The following FOXP2 variants were observed in gnomAD, a reference collection of about 807,000 sequenced individuals.
The protein encoded by FOXP2 is forkhead box P2.
FOXP2 carries 12 observed loss-of-function variants against 115.8 expected under a neutral mutation model. That is an observed-to-expected ratio of 0.10 (90% CI 0.07 to 0.17). The LOEUF is 0.17. Ranked by LOEUF, FOXP2 falls within the 10% of genes least tolerant of loss-of-function variation. The pLI, the probability that FOXP2 is intolerant of heterozygous loss-of-function variation, is 1.00. For missense variants in FOXP2, 629 were observed against 843.5 expected (o/e 0.75, Z 3.15); for synonymous variants, 328 against 297.7 (o/e 1.10, Z -1.05).
intron 13 of FOXP2, among the ~76,000 whole-genome samples, chr7:114,659,956 T>TA (rs1328725188): frequency 6.6e-6 from 1 of 152,220 alleles, no homozygotes; most frequent in South Asian, 2.1e-4. Context: ...AACACCTTTG[T>TA]TAGTCGCACG....
At chr7:114,146,947 G>C (rs1792386927) in intron 1 of FOXP2, among the ~76,000 whole-genome samples, 1 of 152,138 alleles carries the variant, frequency 6.6e-6, no homozygotes, top group Admixed American at 6.5e-5. Context: ...GTGGTAACCA[G>C]TTGTATAGAT....
Position 114,127,733 on chromosome 7 carries a change from G to A in FOXP2, c.-246-35211G>A, listed in dbSNP as rs1030606325. On this transcript the variant is annotated intron_variant, in intron 1 of 19. Coordinates refer to the FOXP2 transcript ENST00000635638. ...ATAAACTGCATAGAGATCAGTAGAT[G>A]TTGTGCTTGATGTGTTCTGTGACTG... Among the ~76,000 whole-genome samples the A allele has an allele frequency of 7.2e-5, 11 of 152,132 alleles. 1 individual carries two copies. Among genetic ancestry groups the A allele is most frequent in the African/African-American group, 2.7e-4 (11 of 41,448 alleles).
Position 114,512,311 on chromosome 7 carries a change from TTTCTATGCCCA to T in FOXP2, c.169-22303_169-22293del, listed in dbSNP as rs1235630789. ...TAATAGGCATTATTACATACAATCA[TTTCTATGCCCA>T]TTGATAAGAAATTTGTGTTATCATA... is the stretch of plus-strand genomic sequence containing the variant. On this transcript the variant is annotated intron_variant, in intron 2 of 16. Coordinates refer to ENST00000350908, the MANE Select transcript of FOXP2 (RefSeq NM_014491.4). Among the ~76,000 whole-genome samples the T allele has an allele frequency of 3.9e-5, 6 of 152,226 alleles. 1 individual carries two copies. The East Asian group carries it at 1.2e-3, about 29-fold the overall frequency.
rs113137944 is a variant in FOXP2 at position 114,690,221 on chromosome 7, A to G, written c.*295A>G. 1 of 484,570 alleles carries G rather than the reference A, an allele frequency of 2.1e-6. No individual in the cohort carries two copies. Among genetic ancestry groups the G allele is most frequent in the Non-Finnish European group, 4.0e-6 (1 of 248,102 alleles). The allele number at this position is 484,570 out of a possible 1,614,324, so 30.0% of individuals were successfully genotyped here. On this transcript the variant is annotated 3_prime_UTR_variant, in exon 17 of 17. Transcript: ENST00000350908. Reference sequence around the variant, plus strand: ...CTTTCTATAATGGCTTTGCCCATTTAAAAAATGTGGCTCTTAAGGGTTCAT... The same window carrying G: ...CTTTCTATAATGGCTTTGCCCATTTGAAAAATGTGGCTCTTAAGGGTTCAT...
At chr7:114,532,324 A>G (rs1799179665) in intron 2 of FOXP2, among the ~76,000 whole-genome samples, 1 of 151,928 alleles carries the variant, frequency 6.6e-6, no homozygotes, top group African/African-American at 2.4e-5. Context: ...AAAAGGTTAT[A>G]TTGTTGTTTC....
chr7:114,298,175 A>G (rs889296776), intron 2 of FOXP2, among the ~76,000 whole-genome samples: 2 of 152,180 alleles, frequency 1.3e-5, no homozygotes, highest in Non-Finnish European at 2.9e-5. Flanking sequence ...TTAACAATAT[A>G]TTCTAGACTT....
At chr7:114,406,963 G>A (rs998935341) in intron 2 of FOXP2, among the ~76,000 whole-genome samples, 1 of 151,996 alleles carries the variant, frequency 6.6e-6, no homozygotes, top group Non-Finnish European at 1.5e-5. Flanking sequence ...GTTTATGTCT[G>A]CTTGTTTTAG....
intron 1 of FOXP2, among the ~76,000 whole-genome samples, chr7:114,240,463 TTTA>T (rs932718537): frequency 6.6e-6 from 1 of 152,138 alleles, no homozygotes; most frequent in African/African-American, 2.4e-5. Context: ...TCCATGATAA[TTTA>T]TTACCTTTAA....
intron 1 of FOXP2, among the ~76,000 whole-genome samples, chr7:114,418,803 A>T (rs889427288): frequency 1.3e-5 from 2 of 151,880 alleles, no homozygotes; most frequent in African/African-American, 4.8e-5. Flanking sequence ...TACTTATAAG[A>T]ATGATGTGGC....
chr7:114,370,875 T>C (rs2129189364), intron 2 of FOXP2, among the ~76,000 whole-genome samples: 1 of 152,300 alleles, frequency 6.6e-6, no homozygotes, highest in South Asian at 2.1e-4. Flanking sequence ...TAATTGGAGA[T>C]AGTTTTGATT....
rs115340025 is a variant in FOXP2 at position 114,150,453 on chromosome 7, A to G, written c.-246-12491A>G. Among the ~76,000 whole-genome samples, 597 of 152,144 alleles carry G rather than the reference A, an allele frequency of 3.9e-3. 2 individuals are homozygous for G. Among genetic ancestry groups the G allele is most frequent in the African/African-American group, 0.013 (558 of 41,554 alleles). ...TATAAACATAAATGTATCTTTATAT[A>G]CATTTTTTCCACAAATAGTAACAAT... On this transcript the variant is annotated intron_variant, in intron 1 of 19. Coordinates refer to the FOXP2 transcript ENST00000635638.
At chr7:114,202,134 A>C (rs1213405906) in intron 1 of FOXP2, among the ~76,000 whole-genome samples, 1 of 152,204 alleles carries the variant, frequency 6.6e-6, no homozygotes, top group Non-Finnish European at 1.5e-5. Flanking sequence ...TTTAGCAAGA[A>C]GTGTTTGGAA....
intron 1 of FOXP2, among the ~76,000 whole-genome samples, chr7:114,196,595 C>A (rs901036261): frequency 2.0e-5 from 3 of 152,096 alleles, no homozygotes; most frequent in Admixed American, 2.0e-4. Flanking sequence ...CTGTAATTTA[C>A]ACTTTTTATC....
At chr7:114,528,511 C>T (rs1349460763) in intron 2 of FOXP2, among the ~76,000 whole-genome samples, 1 of 151,968 alleles carries the variant, frequency 6.6e-6, no homozygotes, top group Non-Finnish European at 1.5e-5. Context: ...TAGTCACAAA[C>T]ATTTTTAAGG....
At chr7:114,508,259 A>G (rs1797918830) in intron 2 of FOXP2, among the ~76,000 whole-genome samples, 1 of 151,984 alleles carries the variant, frequency 6.6e-6, no homozygotes, top group South Asian at 2.1e-4. Flanking sequence ...GGTTTGAGAA[A>G]TACACAAAAG....
chr7:114,120,952 G>A (rs1254716756), intron 1 of FOXP2, among the ~76,000 whole-genome samples: 1 of 151,962 alleles, frequency 6.6e-6, no homozygotes, highest in South Asian at 2.1e-4. Context: ...CAGGGAGGGG[G>A]AAGAATACAG....
At chr7:114,483,117 C>CT (rs558377232) in intron 2 of FOXP2, among the ~76,000 whole-genome samples, 33 of 150,862 alleles carry the variant, frequency 2.2e-4, no homozygotes, top group Admixed American at 8.0e-4. Context: ...TGTTTCTTTT[C>CT]TTTTTTTTTC....
intron 3 of FOXP2, among the ~76,000 whole-genome samples, chr7:114,595,827 T>A (rs886351308): frequency 2.2e-4 from 34 of 151,866 alleles, no homozygotes; most frequent in African/African-American, 7.7e-4. Context: ...GAATCACATA[T>A]CCAGTTCAGG....
At chr7:114,652,765 A>G (rs1398332658) in intron 9 of FOXP2, among the ~76,000 whole-genome samples, 1 of 152,168 alleles carries the variant, frequency 6.6e-6, no homozygotes, top group Non-Finnish European at 1.5e-5. Context: ...ATTTTAATTA[A>G]AGAACTTGCA....
Sources: gnomAD v4.1 joint callset for allele counts (sites outside exome capture counted in the v4.1 genomes callset) on GRCh38, gnomAD v4.1.1 for gene constraint, MANE v1.5 for transcripts, NCBI Gene and HGNC (gene_info 2026-07-23, HGNC 2026-07-21) for gene names.